The following COL3A1 variants were observed in gnomAD, a reference collection of about 807,000 sequenced individuals.
The protein encoded by COL3A1 is collagen alpha-1(III) chain.
COL3A1 carries 46 observed loss-of-function variants against 200.9 expected under a neutral mutation model. The observed-to-expected ratio is 0.23, with a 90% CI of 0.18 to 0.29. The LOEUF (loss-of-function observed/expected upper bound fraction) is 0.29. Among genes scored for constraint, COL3A1 ranks in the 10% least tolerant of loss-of-function variants. The probability of loss-of-function intolerance (pLI) is 1.00; values close to 1 mark genes in which losing one functional copy is unlikely to be tolerated. For synonymous variants in COL3A1, 650 were observed against 628.0 expected, an observed-to-expected ratio of 1.03 and a Z score of -0.52; for missense variants, 1,367 against 1,917.6, an observed-to-expected ratio of 0.71 and a Z score of 5.36.
intron 6 of COL3A1, 57 bp downstream of exon 6, chr2:188,988,191 A>C (rs1366703711): frequency 1.4e-6 from 2 of 1,434,772 alleles, no homozygotes; most frequent in African/African-American, 2.8e-5. Context: ...TCAAATTAAT[A>C]TATATTCTGC....
Position 189,005,578 on chromosome 2 carries a change from T to C in COL3A1, c.3039+121T>C, listed in dbSNP as rs1201320065. The stretch of plus-strand genomic sequence containing the variant: ...GGCCACATAGCAAAGTTCTTCTATC[T>C]CTAATAACAGAAATTCTTTCATTAC... On this transcript the variant is annotated intron_variant, in intron 41 of 50. Transcript: ENST00000304636. The C allele has an allele frequency of 6.3e-6, 5 of 788,344 alleles. No homozygotes were observed. The East Asian group carries it at 1.3e-4, about 21-fold the overall frequency. 48.8% of individuals were successfully genotyped at this position (788,344 alleles called of 1,614,324 possible).
At chr2:188,985,010 C>A in intron 2 of COL3A1, 48 bp downstream of exon 2, 1 of 1,535,016 alleles carries the variant, frequency 6.5e-7, no homozygotes, top group Non-Finnish European at 9.0e-7. Flanking sequence ...TATTTAGACA[C>A]ATGAATAGCT....
intron 28 of COL3A1, among the ~76,000 whole-genome samples, 158 bp from the exon 29 acceptor site, chr2:188,998,516 A>T (rs947852292): frequency 6.6e-6 from 1 of 152,238 alleles, no homozygotes; most frequent in Non-Finnish European, 1.5e-5. Context: ...TAAAATAGAG[A>T]GTTCATAGTT....
intron 11 of COL3A1, among the ~76,000 whole-genome samples, 191 bp downstream of exon 11, chr2:188,991,248 T>C (rs1688182523): frequency 6.6e-6 from 1 of 152,154 alleles, no homozygotes; most frequent in Admixed American, 6.6e-5. Flanking sequence ...TTGAAGAGTC[T>C]AGATTAGAAA....
In COL3A1 at chr2:188,993,475, G is replaced by A; in HGVS notation, c.1149+16G>A. 3 of 1,534,190 alleles carry A rather than the reference G, an allele frequency of 2.0e-6. No individual in the cohort carries two copies. Among genetic ancestry groups the A allele is most frequent in the South Asian group, 1.2e-5 (1 of 83,700 alleles). On this transcript the variant is annotated intron_variant, in intron 16 of 50. Transcript: ENST00000304636. The stretch of plus-strand genomic sequence containing the variant: ...AGGTCCTCCTGTAAGTATCATAGTT[G>A]AGAGGGAGTAAGCATAGTTTCATGC...
chr2:188,996,625 G>A, intron 24 of COL3A1, 129 bp downstream of exon 24: 1 of 757,826 alleles, frequency 1.3e-6, no homozygotes, highest in Non-Finnish European at 2.2e-6. Context: ...AAATCAAATT[G>A]CATGTAGGAA....
rs151148197 is a variant in COL3A1 at position 188,990,314 on chromosome 2, A to G, written c.752A>G (p.Lys251Arg). The G allele has an allele frequency of 6.2e-6, 10 of 1,613,006 alleles. No individual in the cohort carries two copies. The highest frequency in any genetic ancestry group is 8.5e-6 in the Non-Finnish European group (10 of 1,179,246). The change falls in exon 10 of 51, where the codon AAA becomes AGA. Residue 251 changes from lysine to arginine, a missense_variant. Lys to Arg is a conservative substitution (Grantham distance 26). Transcript: ENST00000304636. Reference protein sequence around the residue: ...ERGLPGPPGIKGPAGIPGFPG... With the variant: ...ERGLPGPPGIRGPAGIPGFPG... ...TTCATTCATTATTTTTAGGGTATCAAAGGTCCAGCTGGGATACCTGGATTC... is the reference window on the plus strand; with the variant it reads ...TTCATTCATTATTTTTAGGGTATCAGAGGTCCAGCTGGGATACCTGGATTC...
chr2:188,987,227 T>C (rs1688082019), intron 5 of COL3A1, 88 bp downstream of exon 5: 2 of 1,105,332 alleles, frequency 1.8e-6, no homozygotes, highest in African/African-American at 3.1e-5. Flanking sequence ...AGGAATTCAG[T>C]ATTTTTATGG....
intron 1 of COL3A1, among the ~76,000 whole-genome samples, chr2:188,983,322 C>G (rs896982166): frequency 6.6e-6 from 1 of 151,892 alleles, no homozygotes; most frequent in Non-Finnish European, 1.5e-5. Context: ...TTTAAAACTT[C>G]TTGAGTAGAT....
rs762129273 is a variant in COL3A1, at chr2:188,997,730, C to A, written c.1900C>A (p.Pro634Thr). The A allele has an allele frequency of 2.5e-6, 4 of 1,613,614 alleles. No homozygotes were observed. Among genetic ancestry groups the A allele is most frequent in the Non-Finnish European group, 1.7e-6 (2 of 1,179,600 alleles). ...TGGTGGTGACAAAGGAGACACAGGA[C>A]CCCCTGGTCCACAAGGATTACAAGT... The part of the protein sequence containing the change: ...GPGGDKGDTG[P>T]PGPQGLQGLP... The change falls in exon 27 of 51, where the codon CCC (proline) becomes ACC (threonine). Residue 634 changes from proline (P) to threonine (T), a missense_variant. Pro to Thr is a conservative substitution (Grantham distance 38). Around this residue, in one of 5 missense-constraint regions of COL3A1, gnomAD observed 846 missense variants for 1,147.9 expected, o/e 0.74. Transcript: ENST00000304636.
chr2:188,996,000 A>G, intron 22 of COL3A1, 125 bp from the exon 23 acceptor site: 1 of 1,021,256 alleles, frequency 9.8e-7, no homozygotes, highest in South Asian at 1.4e-5. Context: ...TATAGACAGG[A>G]AAAAAGATGT....
intron 21 of COL3A1, 62 bp from the exon 22 acceptor site, chr2:188,995,630 T>G: frequency 1.8e-6 from 2 of 1,133,028 alleles, no homozygotes; most frequent in South Asian, 2.8e-5. Flanking sequence ...AACCAAAATA[T>G]TGTTGCTATC....
chr2:188,991,170 A>G lies in COL3A1; in HGVS notation c.852+113A>G. On this transcript the variant is annotated intron_variant, in intron 11 of 50. Transcript: ENST00000304636. ...GTTTTCTGAAATTTACCTGAATTTT[A>G]CCTATTAGGTGTGAATAATGGTAAC... is the stretch of plus-strand genomic sequence containing the variant. 4 of 1,139,582 alleles carry G rather than the reference A, an allele frequency of 3.5e-6. No homozygotes were observed. In the Admixed American group the frequency reaches 5.8e-5, roughly 16 times the overall value. 70.6% of individuals were successfully genotyped at this position (1,139,582 alleles called of 1,614,324 possible).
intron 41 of COL3A1, 104 bp downstream of exon 41, chr2:189,005,561 A>G: frequency 1.1e-6 from 1 of 889,514 alleles, no homozygotes; most frequent in Non-Finnish European, 1.9e-6. Flanking sequence ...ATGGCCACAT[A>G]GCAAAGTTCT....
chr2:189,007,795 A>C (rs2153503926), intron 45 of COL3A1, 90 bp from the exon 46 acceptor site: 3 of 1,493,762 alleles, frequency 2.0e-6, no homozygotes, highest in Non-Finnish European at 1.9e-6. Context: ...TTTCATCATG[A>C]TCCCCATGTT....
rs1042884028 is a variant in COL3A1 at position 189,009,199 on chromosome 2, C to G, written c.3801C>G (p.Phe1267Leu). ...CTAGAAACTGCAGAGACCTGAAATT[C>G]TGCCATCCTGAACTCAAGAGTGGTA... is the stretch of plus-strand genomic sequence containing the variant. ...NPARNCRDLKFCHPELKSGEY... is the reference protein window; with the variant it reads ...NPARNCRDLKLCHPELKSGEY... Residue 1267 changes from phenylalanine (F) to leucine (L), a missense_variant, in exon 48 of 51, where the codon TTC becomes TTG. By Grantham distance (22) the Phe-to-Leu change is conservative. Coordinates refer to ENST00000304636, the MANE Select transcript of COL3A1 (RefSeq NM_000090.4). The G allele has an allele frequency of 1.2e-6, 2 of 1,614,152 alleles. No homozygotes were observed. Among genetic ancestry groups the G allele is most frequent in the Non-Finnish European group, 1.7e-6 (2 of 1,180,018 alleles).
rs560106726 is a variant in COL3A1, at chr2:188,986,100, TTA to T, written c.447+323_447+324del. The stretch of plus-strand genomic sequence containing the variant: ...AACAAAAAAAATTAACCTAAATAAT[TTA>T]GTTAGTACTGTATCCATACTTTATT... On this transcript the variant is annotated intron_variant, in intron 4 of 50. Transcript: ENST00000304636. Among the ~76,000 whole-genome samples, 58 of 152,130 alleles carry T rather than the reference TTA, an allele frequency of 3.8e-4. 2 individuals are homozygous for T. In the South Asian group the frequency reaches 0.011, roughly 29 times the overall value.
Position 189,010,277 on chromosome 2 carries a change from T to G in COL3A1, c.3923T>G (p.Leu1308Trp). ...GAAACATGCATAAGTGCCAATCCTTTGAATGTTCCACGGAAACACTGGTGG... is the reference window on the plus strand; with the variant it reads ...GAAACATGCATAAGTGCCAATCCTTGGAATGTTCCACGGAAACACTGGTGG... ...TGETCISANPLNVPRKHWWTD... is the reference protein window; with the variant it reads ...TGETCISANPWNVPRKHWWTD... The change falls in exon 49 of 51, where the codon TTG (leucine) becomes TGG (tryptophan). Residue 1308 changes from leucine to tryptophan, a missense_variant. This residue lies in a region of COL3A1 where 846 missense variants were observed against 1,147.9 expected (regional missense o/e 0.74). Coordinates refer to ENST00000304636, the MANE Select transcript of COL3A1 (RefSeq NM_000090.4). The G allele has an allele frequency of 6.2e-7, 1 of 1,614,198 alleles. No individual in the cohort carries two copies. Among genetic ancestry groups the G allele is most frequent in the Non-Finnish European group, 8.5e-7 (1 of 1,180,022 alleles).
At chr2:188,980,319 A>G (rs1211362184) in intron 1 of COL3A1, among the ~76,000 whole-genome samples, 2 of 150,886 alleles carry the variant, frequency 1.3e-5, no homozygotes, top group Admixed American at 1.3e-4. Flanking sequence ...AGGATAAAAT[A>G]TTAATCAACT....
Sources: allele counts gnomAD v4.1 joint callset (sites outside exome capture counted in the v4.1 genomes callset), GRCh38; gene constraint gnomAD v4.1.1; regional missense constraint gnomAD v4.1.1; transcripts MANE v1.5; gene names NCBI Gene and HGNC (gene_info 2026-07-23, HGNC 2026-07-21).